Variants in RBPJ observed in about 807,000 individuals in gnomAD.
The protein encoded by RBPJ is recombination signal binding protein for immunoglobulin kappa J region, also known as recombining binding protein suppressor of hairless.
Under a neutral mutation model 67.8 loss-of-function variants are expected in RBPJ, and 9 were observed. That is an observed-to-expected ratio of 0.13 (90% CI 0.08 to 0.23). RBPJ has a LOEUF of 0.23. RBPJ is among the 10% of genes least tolerant of loss of function. The pLI is 1.00. For missense variants in RBPJ, 305 were observed against 595.6 expected (o/e 0.51, Z 5.08); for synonymous variants, 198 against 203.3 (o/e 0.97, Z 0.22).
intron 1 of RBPJ, among the ~76,000 whole-genome samples, chr4:26,373,535 A>T (rs1397259511): frequency 6.6e-6 from 1 of 152,260 alleles, no homozygotes; most frequent in Non-Finnish European, 1.5e-5. Context: ...TTGGCCAAAC[A>T]TGGTTTGATG....
intron 1 of RBPJ, among the ~76,000 whole-genome samples, chr4:26,328,562 A>T (rs1034723006): frequency 3.9e-5 from 6 of 152,230 alleles, no homozygotes; most frequent in African/African-American, 1.4e-4. Flanking sequence ...TGGGAAATTA[A>T]GCTGGAAAAG....
rs1736329791 is a variant in RBPJ at position 26,432,530 on chromosome 4, G to A, written c.*1523G>A. On this transcript the variant is annotated 3_prime_UTR_variant, in exon 11 of 11. Transcript: ENST00000355476. ...GCATTCAGGGTTGTAGGTTGGCCTTGCTTGCTAACCCCGCCGGTTTTACCG... is the reference window on the plus strand; with the variant it reads ...GCATTCAGGGTTGTAGGTTGGCCTTACTTGCTAACCCCGCCGGTTTTACCG... The A allele has an allele frequency of 6.6e-6, 1 of 152,126 alleles. No homozygotes were observed. The highest frequency in any genetic ancestry group is 1.5e-5 in the Non-Finnish European group (1 of 68,038). 9.4% of individuals were successfully genotyped at this position (152,126 alleles called of 1,614,324 possible).
At chr4:26,175,417 G>A (rs961238950) in intron 1 of RBPJ, among the ~76,000 whole-genome samples, 4 of 152,170 alleles carry the variant, frequency 2.6e-5, no homozygotes, top group African/African-American at 7.2e-5. Flanking sequence ...GCAGGGAGAA[G>A]CCACAAAGAG....
intron 2 of RBPJ, among the ~76,000 whole-genome samples, chr4:26,399,416 C>T (rs373278519): frequency 6.6e-6 from 1 of 152,150 alleles, no homozygotes; most frequent in Non-Finnish European, 1.5e-5. Context: ...CCCATTGCCT[C>T]CATTGGCATA....
At chr4:26,349,015 A>G (rs997943847) in intron 1 of RBPJ, among the ~76,000 whole-genome samples, 4 of 151,804 alleles carry the variant, frequency 2.6e-5, no homozygotes, top group East Asian at 1.9e-4. Flanking sequence ...TCTGTAAACA[A>G]AGTTTTAAAG....
At chr4:26,311,854 C>T (rs1029152117) in intron 1 of RBPJ, among the ~76,000 whole-genome samples, 3 of 151,916 alleles carry the variant, frequency 2.0e-5, no homozygotes, top group African/African-American at 7.3e-5. Context: ...TCTCTTGAGC[C>T]CAGGAGTTCA....
the RBPJ span, among the ~76,000 whole-genome samples, chr4:26,140,681 G>A: frequency 7.8e-6 from 1 of 127,952 alleles, no homozygotes; most frequent in South Asian, 2.5e-4. Context: ...ATCCCAGGAT[G>A]GTCACCAGCG....
intron 1 of RBPJ, among the ~76,000 whole-genome samples, chr4:26,294,125 T>A (rs1362984367): frequency 6.7e-6 from 1 of 148,612 alleles, no homozygotes; most frequent in Non-Finnish European, 1.5e-5. Context: ...TGAGATGGAG[T>A]CTCACTCTGT....
chr4:26,164,139 T>A (rs1388487115), intron 1 of RBPJ, among the ~76,000 whole-genome samples: 1 of 152,214 alleles, frequency 6.6e-6, no homozygotes, highest in Non-Finnish European at 1.5e-5. Flanking sequence ...AAGCAGGATG[T>A]TGTCTCGAAA....
chr4:26,227,851 T>C (rs968702454), intron 1 of RBPJ, among the ~76,000 whole-genome samples: 1 of 152,258 alleles, frequency 6.6e-6, no homozygotes, highest in Non-Finnish European at 1.5e-5. Context: ...CCTTCTCCGG[T>C]TGAGTTTTTC....
At chr4:26,128,936 C>A in the RBPJ span, among the ~76,000 whole-genome samples, 2 of 152,222 alleles carry the variant, frequency 1.3e-5, no homozygotes, top group Non-Finnish European at 2.9e-5. Flanking sequence ...TCACCTTCTG[C>A]CATGATTGTA....
At chr4:26,371,552 T>C (rs1179412971) in intron 1 of RBPJ, among the ~76,000 whole-genome samples, 1 of 152,004 alleles carries the variant, frequency 6.6e-6, no homozygotes, top group Non-Finnish European at 1.5e-5. Flanking sequence ...TCAGCACAAA[T>C]ACAGTGGTAT....
intron 3 of RBPJ, among the ~76,000 whole-genome samples, chr4:26,407,661 A>G (rs1014751334): frequency 2.0e-5 from 3 of 152,128 alleles, no homozygotes; most frequent in African/African-American, 7.2e-5. Context: ...AAGGTACCCA[A>G]CTGAAGAGAA....
chr4:26,209,088 G>GAAA (rs751158581), intron 1 of RBPJ, among the ~76,000 whole-genome samples: 119 of 81,016 alleles, frequency 1.5e-3, no homozygotes, highest in African/African-American at 4.9e-3. Context: ...CAGCATTACA[G>GAAA]AAGAAAAAAA....
chr4:26,247,264 A>T (rs930702786), intron 1 of RBPJ, among the ~76,000 whole-genome samples: 2 of 151,952 alleles, frequency 1.3e-5, no homozygotes, highest in African/African-American at 4.8e-5. Context: ...ACTTATAAAG[A>T]ATTTTATTTT....
intron 1 of RBPJ, among the ~76,000 whole-genome samples, chr4:26,286,974 A>G (rs1217315958): frequency 6.6e-6 from 1 of 151,924 alleles, no homozygotes; most frequent in Non-Finnish European, 1.5e-5. Flanking sequence ...TTTCATATAG[A>G]CGGGGTTTCT....
chr4:26,408,213 GA>G (rs1733666151), intron 3 of RBPJ, among the ~76,000 whole-genome samples: 1 of 152,056 alleles, frequency 6.6e-6, no homozygotes, highest in South Asian at 2.1e-4. Context: ...CCTCAAAGAT[GA>G]ACAAGTGAAA....
chr4:26,308,372 AAAGT>A (rs1467715186), intron 1 of RBPJ, among the ~76,000 whole-genome samples: 3 of 152,262 alleles, frequency 2.0e-5, no homozygotes, highest in East Asian at 1.9e-4. Flanking sequence ...TGTATAAAAC[AAAGT>A]ATGTACTTAA....
intron 1 of RBPJ, among the ~76,000 whole-genome samples, chr4:26,241,677 A>G (rs1553852367): frequency 6.6e-6 from 1 of 150,884 alleles, no homozygotes; most frequent in Non-Finnish European, 1.5e-5. Flanking sequence ...ACACCCATTT[A>G]TTTTTTTCTA....
Sources: gnomAD v4.1 joint callset for allele counts (sites outside exome capture counted in the v4.1 genomes callset) on GRCh38, gnomAD v4.1.1 for gene constraint, MANE v1.5 for transcripts, NCBI Gene and HGNC (gene_info 2026-07-23, HGNC 2026-07-21) for gene names.